Variants in KIAA1549 observed in about 807,000 individuals in gnomAD.
The protein encoded by KIAA1549 is KIAA1549.
Under a neutral mutation model 156.4 loss-of-function variants are expected in KIAA1549, and 70 were observed. That is an observed-to-expected ratio of 0.45 (90% CI 0.37 to 0.55). The LOEUF (loss-of-function observed/expected upper bound fraction) is 0.55, where lower values mean the gene tolerates loss of function less well. Among genes scored for constraint, KIAA1549 ranks in the 20% least tolerant of loss-of-function variants. The probability of loss-of-function intolerance (pLI) is 0.00; values close to 1 mark genes in which losing one functional copy is unlikely to be tolerated. For synonymous variants in KIAA1549, 1,103 were observed against 1,066.4 expected, an observed-to-expected ratio of 1.03 and a Z score of -0.67; for missense variants, 2,428 against 2,540.9, an observed-to-expected ratio of 0.96 and a Z score of 0.96.
intron 1 of KIAA1549, among the ~76,000 whole-genome samples, chr7:138,950,098 G>A (rs1406436331): frequency 6.6e-6 from 1 of 152,160 alleles, no homozygotes; most frequent in Admixed American, 6.5e-5. Context: ...TTTCAGCTGG[G>A]GATGGTAGTA....
chr7:138,899,239 C>T (rs369779360), intron 8 of KIAA1549, 107 bp from the exon 9 acceptor site: 2 of 1,008,378 alleles, frequency 2.0e-6, no homozygotes. Context: ...TTCCAATCCT[C>T]ATAATAAGCT....
chr7:138,914,477 G>A (rs1812259904), intron 2 of KIAA1549, among the ~76,000 whole-genome samples: 1 of 152,162 alleles, frequency 6.6e-6, no homozygotes, highest in African/African-American at 2.4e-5. Context: ...CGCCATCGCA[G>A]ACCCCCAGCA....
intron 10 of KIAA1549, among the ~76,000 whole-genome samples, chr7:138,888,325 T>C (rs979342338): frequency 6.6e-6 from 1 of 152,236 alleles, no homozygotes; most frequent in Non-Finnish European, 1.5e-5. Context: ...CTGTATACTT[T>C]CCCGCACAAT....
intron 15 of KIAA1549, among the ~76,000 whole-genome samples, chr7:138,864,985 G>A (rs1346258043): frequency 6.6e-6 from 1 of 152,160 alleles, no homozygotes; most frequent in Non-Finnish European, 1.5e-5. Flanking sequence ...TCCCAGAAAT[G>A]TGGGAGGCCA....
intron 17 of KIAA1549, 144 bp downstream of exon 17, chr7:138,852,079 T>C (rs1327938412): frequency 1.7e-5 from 9 of 538,330 alleles, no homozygotes; most frequent in African/African-American, 1.6e-4. Flanking sequence ...CAACTATTTT[T>C]CCCTCCTCTT....
intron 1 of KIAA1549, among the ~76,000 whole-genome samples, chr7:138,930,579 T>TA (rs773024080): frequency 5.1e-4 from 78 of 152,368 alleles, no homozygotes; most frequent in Non-Finnish European, 8.1e-4. Flanking sequence ...CTTCTTTCCT[T>TA]AAATCTCAAG....
intron 1 of KIAA1549, among the ~76,000 whole-genome samples, chr7:138,972,506 G>A (rs1182414784): frequency 6.6e-6 from 1 of 151,516 alleles, no homozygotes; most frequent in Non-Finnish European, 1.5e-5. Flanking sequence ...ATCCCCTTTG[G>A]CTCTTCACAC....
At chr7:138,840,908 T>C (rs1283500329) in intron 18 of KIAA1549, among the ~76,000 whole-genome samples, 2 of 152,152 alleles carry the variant, frequency 1.3e-5, no homozygotes, top group Admixed American at 1.3e-4. Context: ...ACTGCACTCC[T>C]TAAGGACAAG....
chr7:138,929,253 T>G (rs2130501970), intron 1 of KIAA1549, among the ~76,000 whole-genome samples: 1 of 152,380 alleles, frequency 6.6e-6, no homozygotes, highest in South Asian at 2.1e-4. Context: ...TTATGGAATA[T>G]TCTACATCCT....
At chr7:138,874,641 A>C (rs1429903558) in intron 12 of KIAA1549, among the ~76,000 whole-genome samples, 1 of 152,180 alleles carries the variant, frequency 6.6e-6, no homozygotes, top group East Asian at 1.9e-4. Context: ...TGGAGAGTAG[A>C]CTAGAGGTTA....
chr7:138,892,911 G>A (rs1379412692), intron 10 of KIAA1549, among the ~76,000 whole-genome samples: 3 of 152,118 alleles, frequency 2.0e-5, no homozygotes, highest in Non-Finnish European at 4.4e-5. Context: ...AGCAGGATGA[G>A]TCCTCCAAAT....
At chr7:138,879,870 A>G (rs1024443411) in intron 11 of KIAA1549, among the ~76,000 whole-genome samples, 1 of 152,208 alleles carries the variant, frequency 6.6e-6, no homozygotes, top group Non-Finnish European at 1.5e-5. Flanking sequence ...ATGGCTCAGC[A>G]GGCTGCATTT....
At chr7:138,921,604 G>A (rs939036796) in intron 1 of KIAA1549, among the ~76,000 whole-genome samples, 2 of 152,110 alleles carry the variant, frequency 1.3e-5, no homozygotes, top group Admixed American at 6.5e-5. Flanking sequence ...CGGTGGCTCA[G>A]GCCTGTAATC....
At chr7:138,859,479 G>A (rs567468553) in intron 16 of KIAA1549, among the ~76,000 whole-genome samples, 9 of 152,172 alleles carry the variant, frequency 5.9e-5, no homozygotes, top group Admixed American at 2.0e-4. Context: ...CCCATAAACT[G>A]ATCAGTACTC....
chr7:138,948,226 G>A (rs186862433), intron 1 of KIAA1549, among the ~76,000 whole-genome samples: 8 of 152,114 alleles, frequency 5.3e-5, no homozygotes, highest in Non-Finnish European at 4.4e-5. Flanking sequence ...CACTGTGGTG[G>A]GCCATAATCC....
chr7:138,887,830 T>C (rs1349265874), intron 10 of KIAA1549, among the ~76,000 whole-genome samples: 1 of 152,208 alleles, frequency 6.6e-6, no homozygotes, highest in Non-Finnish European at 1.5e-5. Context: ...GTTGGGAAAC[T>C]GTGAACTTAG....
At chr7:138,862,327 C>A (rs1810609629) in intron 15 of KIAA1549, among the ~76,000 whole-genome samples, 1 of 151,720 alleles carries the variant, frequency 6.6e-6, no homozygotes, top group Non-Finnish European at 1.5e-5. Flanking sequence ...TAGCAAGACC[C>A]CCATCTTTAC....
rs10625706 is a variant in KIAA1549, at chr7:138,977,655, A to AACACACACACACAC, written c.187+3414_187+3427dup. Among the ~76,000 whole-genome samples, 262 of 146,912 alleles carry AACACACACACACAC rather than the reference A, an allele frequency of 1.8e-3. 1 individual carries two copies. The highest frequency in any genetic ancestry group is 3.8e-3 in the African/African-American group (152 of 39,714). ...CCTTCCACAAATGTATACTCAAGAA[A>AACACACACACACAC]ACACACACACACACACACACACACA... On this transcript the variant is annotated intron_variant, in intron 1 of 19. Coordinates refer to ENST00000422774, the MANE Select transcript of KIAA1549 (RefSeq NM_001164665.2).
intron 1 of KIAA1549, among the ~76,000 whole-genome samples, chr7:138,973,561 G>A (rs1019107364): frequency 6.6e-6 from 1 of 152,172 alleles, no homozygotes; most frequent in Non-Finnish European, 1.5e-5. Flanking sequence ...TCTGTCCTCA[G>A]CTGCCTTGTC....
Sources: gnomAD v4.1 joint callset for allele counts (sites outside exome capture counted in the v4.1 genomes callset) on GRCh38, gnomAD v4.1.1 for gene constraint, MANE v1.5 for transcripts, NCBI Gene and HGNC (gene_info 2026-07-23, HGNC 2026-07-21) for gene names.